Variants in UBE4B observed in about 807,000 individuals in gnomAD.
UBE4B encodes the protein ubiquitin conjugation factor E4 B.
Under a neutral mutation model 148.1 loss-of-function variants are expected in UBE4B, and 27 were observed. The ratio of observed to expected loss-of-function variants is 0.18; its 90% confidence interval spans 0.13 to 0.25. The LOEUF is 0.25. Ranked by LOEUF, UBE4B falls within the 10% of genes least tolerant of loss-of-function variation. UBE4B has a pLI of 1.00. For synonymous variants in UBE4B, 596 were observed against 619.3 expected, an observed-to-expected ratio of 0.96 and a Z score of 0.56; for missense variants, 1,170 against 1,662.4, an observed-to-expected ratio of 0.70 and a Z score of 5.15.
In UBE4B at chr1:10,168,891, CAAA is replaced by C. The variant is rs750260003; in HGVS notation, c.3333+635_3333+637del. On this transcript the variant is annotated intron_variant, in intron 24 of 27. Transcript: ENST00000343090. The surrounding 1 kb of genome is among the most constrained non-coding windows in gnomAD (Gnocchi z 4.9). ...TGGGCGACAGAGTGAGACTCCATCT[CAAA>C]AAAAAAAAAAAAAGAAGAAGAAAAA... Among the ~76,000 whole-genome samples the C allele has an allele frequency of 2.1e-4, 13 of 61,652 alleles. No homozygotes were observed. The highest frequency in any genetic ancestry group is 5.7e-4 in the Admixed American group (3 of 5,296). The allele number at this position is 61,652 out of a possible 152,430, so 40.4% of individuals were successfully genotyped here.
intron 3 of UBE4B, among the ~76,000 whole-genome samples, chr1:10,100,035 G>A (rs1021255401): frequency 3.3e-5 from 5 of 152,004 alleles, no homozygotes; most frequent in Admixed American, 3.3e-4. Context: ...TGTCGCCCAG[G>A]CTGGAGTGCA....
At chr1:10,152,764 C>G (rs115056809) in intron 21 of UBE4B, among the ~76,000 whole-genome samples, 2,651 of 151,850 alleles carry the variant, frequency 0.017, 34 homozygotes, top group Non-Finnish European at 0.027. Flanking sequence ...CACCAGTGTG[C>G]TCCAGCCTAG....
chr1:10,033,600 C>G lies in UBE4B; in HGVS notation c.-71C>G, dbSNP rs1334845537. On this transcript the variant is annotated 5_prime_UTR_variant, in exon 1 of 28. Coordinates refer to ENST00000343090, the MANE Select transcript of UBE4B (RefSeq NM_001105562.3). ...CAGCCTGATAGACACCTTCCACTCT[C>G]CTTCCTCCCGCCGTGGTCTCGAGAA... The G allele has an allele frequency of 6.9e-7, 1 of 1,446,602 alleles. No homozygotes were observed. Among genetic ancestry groups the G allele is most frequent in the Non-Finnish European group, 9.2e-7 (1 of 1,091,822 alleles). 89.6% of individuals were successfully genotyped at this position (1,446,602 alleles called of 1,614,324 possible).
chr1:10,145,827 T>A (rs1645861886), intron 18 of UBE4B, among the ~76,000 whole-genome samples: 1 of 152,162 alleles, frequency 6.6e-6, no homozygotes, highest in African/African-American at 2.4e-5. Context: ...AAAACCTAAC[T>A]ATAGATGGGA....
At chr1:10,065,851 A>G (rs1644376908) in intron 1 of UBE4B, among the ~76,000 whole-genome samples, 1 of 152,230 alleles carries the variant, frequency 6.6e-6, no homozygotes, top group Non-Finnish European at 1.5e-5. Flanking sequence ...AATGTTCATT[A>G]TAATGTAAAT....
At chr1:10,081,946 C>G (rs1275241778) in intron 2 of UBE4B, among the ~76,000 whole-genome samples, 2 of 152,168 alleles carry the variant, frequency 1.3e-5, no homozygotes, top group Non-Finnish European at 2.9e-5. Flanking sequence ...AACTCCTGGG[C>G]TCAAGTGATC....
chr1:10,167,965 G>A (rs574187563), intron 23 of UBE4B, among the ~76,000 whole-genome samples, 171 bp from the exon 24 acceptor site: 1 of 152,144 alleles, frequency 6.6e-6, no homozygotes, highest in African/African-American at 2.4e-5. Flanking sequence ...GTCTCAAAGA[G>A]CTCCGATGCT....
chr1:10,113,563 G>A (rs139515866), intron 7 of UBE4B, among the ~76,000 whole-genome samples: 4 of 152,322 alleles, frequency 2.6e-5, no homozygotes, highest in Non-Finnish European at 4.4e-5. Context: ...TGCACGGTTT[G>A]TGAAAATATT....
chr1:10,109,483 A>G (rs1197627847), intron 7 of UBE4B, among the ~76,000 whole-genome samples: 1 of 152,156 alleles, frequency 6.6e-6, no homozygotes, highest in Non-Finnish European at 1.5e-5. Context: ...GTTGGCCGTT[A>G]CAGTGAACTG....
Position 10,130,559 on chromosome 1 carries a change from G to T in UBE4B, c.1755G>T (p.Leu585=). The T allele has an allele frequency of 6.2e-7, 1 of 1,614,208 alleles. No homozygotes were observed. The change falls in exon 13 of 28, where the codon CTG becomes CTT. Residue 585 remains leucine, a synonymous_variant. Coordinates refer to ENST00000343090, the MANE Select transcript of UBE4B (RefSeq NM_001105562.3). ...TAAGTCCTGGCTGTGGGCGGGAGCT[G>T]CAGAGACTCTCTTACTTAGGGGCTT... ...KSLSPGCGRE[L]QRLSYLGAFF...
chr1:10,052,003 TC>T (rs1407322715), intron 1 of UBE4B, among the ~76,000 whole-genome samples: 2 of 152,204 alleles, frequency 1.3e-5, no homozygotes, highest in Non-Finnish European at 2.9e-5. Flanking sequence ...CATGACACAT[TC>T]AATGCATATT....
At chr1:10,034,687 T>C (rs1478267076) in intron 1 of UBE4B, among the ~76,000 whole-genome samples, 1 of 152,204 alleles carries the variant, frequency 6.6e-6, no homozygotes, top group Non-Finnish European at 1.5e-5. Context: ...TCCATCAAGT[T>C]GATTGTACTA....
intron 21 of UBE4B, among the ~76,000 whole-genome samples, chr1:10,157,519 C>T (rs1646093172): frequency 6.6e-6 from 1 of 152,132 alleles, no homozygotes; most frequent in African/African-American, 2.4e-5. Flanking sequence ...GTGGCTCACA[C>T]CTGTAATCCC....
intron 7 of UBE4B, among the ~76,000 whole-genome samples, chr1:10,113,788 C>T (rs1303346413): frequency 1.3e-5 from 2 of 152,048 alleles, no homozygotes; most frequent in Admixed American, 1.3e-4. Context: ...GCTTTTCGGC[C>T]GGACGCAGTG....
At chr1:10,068,065 G>T (rs373722773) in intron 1 of UBE4B, among the ~76,000 whole-genome samples, 11 of 139,268 alleles carry the variant, frequency 7.9e-5, no homozygotes, top group African/African-American at 3.0e-4. Context: ...GTCTTGCTCT[G>T]TTGCCCAGGT....
At chr1:10,092,596 G>A (rs986019560) in intron 2 of UBE4B, among the ~76,000 whole-genome samples, 8 of 152,012 alleles carry the variant, frequency 5.3e-5, no homozygotes, top group African/African-American at 1.9e-4. Context: ...GGGAGACTGA[G>A]GCAGGTGAAT....
chr1:10,114,914 A>G (rs1408932294), intron 7 of UBE4B, among the ~76,000 whole-genome samples: 1 of 152,048 alleles, frequency 6.6e-6, no homozygotes, highest in Non-Finnish European at 1.5e-5. Flanking sequence ...GGGATCCCAC[A>G]CGGACCTGCC....
rs114515417 is a variant in UBE4B at position 10,108,021 on chromosome 1, A to G, written c.1196+1438A>G. On this transcript the variant is annotated intron_variant, in intron 7 of 27. Coordinates refer to ENST00000343090, the MANE Select transcript of UBE4B (RefSeq NM_001105562.3). ...AAAATGAGGGACCCTTCATTTATCT[A>G]TTGCGAGAATGTTATTGTGAACTAC... Among the ~76,000 whole-genome samples the G allele has an allele frequency of 8.5e-3, 1,302 of 152,310 alleles. 12 individuals carry two copies. Among genetic ancestry groups the G allele is most frequent in the Non-Finnish European group, 0.014 (935 of 68,028 alleles).
intron 26 of UBE4B, 124 bp from the exon 27 acceptor site, chr1:10,179,292 C>A: frequency 1.6e-6 from 2 of 1,217,762 alleles, no homozygotes; most frequent in Non-Finnish European, 2.3e-6. Flanking sequence ...AACCTGGGGG[C>A]CTCACAGGGG....
Sources: allele counts gnomAD v4.1 joint callset (sites outside exome capture counted in the v4.1 genomes callset), GRCh38; gene constraint gnomAD v4.1.1; non-coding constraint Gnocchi (gnomAD v3.1); transcripts MANE v1.5; gene names NCBI Gene and HGNC (gene_info 2026-07-23, HGNC 2026-07-21).